KRABD3: variants seen among roughly 807,000 people sequenced by gnomAD.
The protein encoded by KRABD3 is KRAB domain-containing protein 3.
At chr7:149,721,190 A>G in the KRABD3 span, among the ~76,000 whole-genome samples, 2 of 152,174 alleles carry the variant, frequency 1.3e-5, no homozygotes, top group South Asian at 4.1e-4. Context: ...TGACTTTCGC[A>G]TGGTGGTTTC....
chr7:149,719,418 A>G, the KRABD3 span: 3 of 959,732 alleles, frequency 3.1e-6, no homozygotes, highest in South Asian at 5.6e-5. This position sits in a 1 kb window ranked among gnomAD's most constrained non-coding sequence, Gnocchi z 5.6. Context: ...GGATTCCTGC[A>G]TGTCAGACCC....
the KRABD3 span, chr7:149,715,107 C>G: frequency 8.1e-7 from 1 of 1,230,902 alleles, no homozygotes; most frequent in Non-Finnish European, 1.0e-6. Flanking sequence ...CGCAGTGCGG[C>G]CCCGAAGGCG....
At chr7:149,730,135 TC>T in the KRABD3 span, 1 of 1,490,698 alleles carries the variant, frequency 6.7e-7, no homozygotes, top group South Asian at 1.4e-5. Context: ...CACTCTCTGG[TC>T]CCCTGCCCAG....
chr7:149,730,628 A>G, the KRABD3 span: 1 of 1,569,174 alleles, frequency 6.4e-7, no homozygotes, highest in South Asian at 1.1e-5. Flanking sequence ...AGGAGTCCAG[A>G]CTGGATCCTT....
chr7:149,722,205 C>T, the KRABD3 span, among the ~76,000 whole-genome samples: 1 of 152,110 alleles, frequency 6.6e-6, no homozygotes, highest in Non-Finnish European at 1.5e-5. Flanking sequence ...AATTCCGAGG[C>T]TGGGCTCAGG....
chr7:149,733,071 A>G, the KRABD3 span: 4 of 1,053,574 alleles, frequency 3.8e-6, no homozygotes, highest in Admixed American at 2.3e-5. Context: ...CTCAGGCCTC[A>G]CCCACCTTCC....
At chr7:149,731,736 C>T in the KRABD3 span, 1 of 1,612,448 alleles carries the variant, frequency 6.2e-7, no homozygotes, top group East Asian at 2.2e-5. Flanking sequence ...GTGAAGCATC[C>T]AGAGGCCTGG....
At chr7:149,730,482 G>A in the KRABD3 span, 1 of 1,609,018 alleles carries the variant, frequency 6.2e-7, no homozygotes, top group East Asian at 2.2e-5. Context: ...CCATGTCCTG[G>A]TGGGACCCCT....
At chr7:149,715,163 C>T in the KRABD3 span, 1 of 1,227,088 alleles carries the variant, frequency 8.1e-7, no homozygotes, top group Non-Finnish European at 1.0e-6. Flanking sequence ...TCGGGATCGG[C>T]TGGGTGAGGC....
the KRABD3 span, among the ~76,000 whole-genome samples, chr7:149,724,171 T>G: frequency 6.6e-6 from 1 of 152,162 alleles, no homozygotes; most frequent in Middle Eastern, 3.4e-3. Context: ...AGGATGGAGC[T>G]CTAGCCCAGC....
chr7:149,718,089 C>T, the KRABD3 span, among the ~76,000 whole-genome samples: 3 of 152,010 alleles, frequency 2.0e-5, no homozygotes, highest in Admixed American at 2.0e-4. Context: ...TGAACCATCA[C>T]ACCCAGCCTG....
At chr7:149,732,162 T>A in the KRABD3 span, among the ~76,000 whole-genome samples, 1 of 152,032 alleles carries the variant, frequency 6.6e-6, no homozygotes, top group Non-Finnish European at 1.5e-5. The surrounding 1 kb of genome is among the most constrained non-coding windows in gnomAD (Gnocchi z 4.0). Context: ...GTGCCCTGGG[T>A]CACTTGGGGA....
chr7:149,723,962 TGG>T, the KRABD3 span: 2 of 1,522,940 alleles, frequency 1.3e-6, no homozygotes. Context: ...GGGCTGTAGG[TGG>T]CCCCCACCAC....
chr7:149,733,922 G>A, the KRABD3 span: 2 of 1,595,248 alleles, frequency 1.3e-6, no homozygotes, highest in Non-Finnish European at 1.7e-6. Flanking sequence ...GACCTCAGGA[G>A]TGGCACCAGA....
chr7:149,725,629 C>G, the KRABD3 span: 44 of 907,196 alleles, frequency 4.9e-5, 3 homozygotes, highest in South Asian at 7.4e-4. Context: ...ATACTCACTC[C>G]CAAACAGCCG....
chr7:149,730,230 T>C, the KRABD3 span: 2 of 1,568,296 alleles, frequency 1.3e-6, no homozygotes, highest in Admixed American at 3.7e-5. Flanking sequence ...GCGCTTCGCC[T>C]GCGTGGGAGG....
the KRABD3 span, chr7:149,723,766 C>T: frequency 6.2e-7 from 1 of 1,613,868 alleles, no homozygotes; most frequent in African/African-American, 1.3e-5. Context: ...GGATTGTCCC[C>T]TCCAGGGTCT....
At chr7:149,724,644 T>G in the KRABD3 span, 1 of 1,511,932 alleles carries the variant, frequency 6.6e-7, no homozygotes, top group Non-Finnish European at 8.9e-7. Context: ...AATGGCCTCC[T>G]CCCGCAGGGC....
the KRABD3 span, chr7:149,731,549 G>A: frequency 1.8e-3 from 1,444 of 819,352 alleles, 14 homozygotes; most frequent in South Asian, 0.012. Flanking sequence ...CCAAGTTTCC[G>A]TCTTCTATCT....
Sources: gnomAD v4.1 joint callset for allele counts (sites outside exome capture counted in the v4.1 genomes callset) on GRCh38, gnomAD v4.1.1 for gene constraint, Gnocchi (gnomAD v3.1) non-coding constraint, MANE v1.5 for transcripts, NCBI Gene and HGNC (gene_info 2026-07-23, HGNC 2026-07-21) for gene names.